Variants in DMD observed in about 807,000 individuals in gnomAD.
DMD encodes the protein mutant dystrophin.
A neutral mutation model predicts 330.1 loss-of-function variants in DMD; 63 were observed. The observed-to-expected ratio is 0.19, with a 90% CI of 0.16 to 0.24. DMD has a LOEUF of 0.24. DMD is among the 10% of genes least tolerant of loss of function. The pLI is 1.00. For synonymous variants in DMD, 1,223 were observed against 959.8 expected (o/e 1.27, Z -5.07); for missense variants, 3,344 against 2,684.1 (o/e 1.25, Z -5.43).
chrX:32,400,567 A>G (rs1228304025), intron 30 of DMD, among the ~76,000 whole-genome samples: 5 of 111,162 alleles, frequency 4.5e-5, no homozygotes, highest in Non-Finnish European at 9.4e-5. Context: ...GCAGCCAAAA[A>G]ACACATGAAA....
intron 60 of DMD, among the ~76,000 whole-genome samples, chrX:31,400,846 G>A (rs1354587754): frequency 1.8e-5 from 2 of 111,877 alleles, no homozygotes; most frequent in African/African-American, 6.5e-5. Context: ...AAACGAGGAT[G>A]CTTAGAGAAG....
At chrX:32,581,525 G>A (rs752961869) in intron 13 of DMD, among the ~76,000 whole-genome samples, 2 of 111,912 alleles carry the variant, frequency 1.8e-5, no homozygotes, top group African/African-American at 3.3e-5. Flanking sequence ...AAATACATCT[G>A]TAATTTTAGA....
intron 43 of DMD, among the ~76,000 whole-genome samples, chrX:32,240,399 C>T (rs1178079835): frequency 9.0e-6 from 1 of 111,275 alleles, no homozygotes; most frequent in African/African-American, 3.3e-5. Context: ...TCCCTTGGAC[C>T]TGCTGCCTTG....
intron 13 of DMD, among the ~76,000 whole-genome samples, chrX:32,593,712 A>C (rs1404820392): frequency 8.9e-6 from 1 of 112,398 alleles, no homozygotes; most frequent in Non-Finnish European, 1.9e-5. Context: ...TTCAAATGGG[A>C]TGTGGAATGC....
intron 44 of DMD, among the ~76,000 whole-genome samples, chrX:32,187,194 A>T (rs1042152025): frequency 1.1e-4 from 12 of 110,806 alleles, no homozygotes; most frequent in African/African-American, 3.6e-4. Context: ...GACAGGGGAT[A>T]TATATGTTTA....
intron 4 of DMD, among the ~76,000 whole-genome samples, chrX:32,823,916 ATC>A (rs1399965831): frequency 1.8e-5 from 2 of 111,351 alleles, no homozygotes; most frequent in Non-Finnish European, 3.8e-5. Flanking sequence ...ATCAAGGCAA[ATC>A]TCTGTGTCTC....
intron 30 of DMD, among the ~76,000 whole-genome samples, chrX:32,401,571 G>T (rs762161642): frequency 9.0e-6 from 1 of 111,542 alleles, no homozygotes; most frequent in Non-Finnish European, 1.9e-5. Context: ...GCTGGGAAGG[G>T]TAGTCAGGGG....
intron 1 of DMD, among the ~76,000 whole-genome samples, chrX:33,287,981 C>T (rs374736489): frequency 9.0e-6 from 1 of 111,709 alleles, no homozygotes; most frequent in Non-Finnish European, 1.9e-5. Context: ...GTCAAAGCCA[C>T]CCCGCAAAAG....
intron 67 of DMD, among the ~76,000 whole-genome samples, chrX:31,195,988 C>A (rs1425907000): frequency 1.8e-4 from 20 of 111,789 alleles, no homozygotes; most frequent in African/African-American, 6.5e-4. Context: ...AAACAGGTTT[C>A]AACTACAACA....
chrX:31,805,506 A>G (rs893570367), intron 50 of DMD, among the ~76,000 whole-genome samples: 1 of 112,228 alleles, frequency 8.9e-6, no homozygotes, highest in Non-Finnish European at 1.9e-5. Flanking sequence ...TATAGTCATG[A>G]GAATTTAGAA....
Position 31,754,151 on chromosome X carries a change from A to G in DMD, c.7542+19809T>C, listed in dbSNP as rs189066123. On this transcript the variant is annotated intron_variant, in intron 51 of 78. Coordinates refer to ENST00000357033, the MANE Select transcript of DMD (RefSeq NM_004006.3). Reference sequence around the variant, plus strand: ...TAAAATAAAATTTTATACTGAATTAATGTTTATTTTTATAAAATAGCAGTG... The same window carrying G: ...TAAAATAAAATTTTATACTGAATTAGTGTTTATTTTTATAAAATAGCAGTG... 2.6e-4 allele frequency among the ~76,000 whole-genome samples: 29 copies of G among 111,846 alleles called. No homozygotes were observed. The East Asian group carries it at 7.0e-3, about 27-fold the overall frequency.
At chrX:33,002,158 G>A (rs962214148) in intron 2 of DMD, among the ~76,000 whole-genome samples, 3 of 110,773 alleles carry the variant, frequency 2.7e-5, no homozygotes, top group Non-Finnish European at 5.7e-5. Flanking sequence ...CTAATCAAGT[G>A]CCTTTTCTAT....
chrX:31,821,801 A>C (rs1237623824), intron 49 of DMD, among the ~76,000 whole-genome samples: 1 of 112,126 alleles, frequency 8.9e-6, no homozygotes, highest in Non-Finnish European at 1.9e-5. Context: ...AAATAACTTG[A>C]TTGATGTCGG....
At chrX:31,678,200 A>C (rs2148725700) in intron 53 of DMD, among the ~76,000 whole-genome samples, 1 of 112,113 alleles carries the variant, frequency 8.9e-6, no homozygotes, top group South Asian at 3.7e-4. Flanking sequence ...AACCTGACTA[A>C]TTTGGAAATG....
chrX:32,458,903 T>C (rs781210553), intron 25 of DMD, among the ~76,000 whole-genome samples: 2 of 111,410 alleles, frequency 1.8e-5, no homozygotes, highest in South Asian at 7.3e-4. Context: ...ATATTAATCA[T>C]TTGCCAGACA....
At chrX:32,876,580 G>A (rs1159210990) in intron 2 of DMD, among the ~76,000 whole-genome samples, 2 of 111,441 alleles carry the variant, frequency 1.8e-5, no homozygotes, top group Non-Finnish European at 3.8e-5. Context: ...CTGATCTTGC[G>A]GTCTCTCGGT....
intron 1 of DMD, among the ~76,000 whole-genome samples, chrX:33,162,545 C>T (rs754571782): frequency 6.6e-4 from 73 of 111,341 alleles, no homozygotes; most frequent in East Asian, 2.8e-3. Context: ...CAAAAAGGGA[C>T]GAATACTTGA....
At chrX:32,741,010 G>T (rs1448083320) in intron 7 of DMD, among the ~76,000 whole-genome samples, 1 of 111,541 alleles carries the variant, frequency 9.0e-6, no homozygotes, top group South Asian at 3.8e-4. Context: ...GATATAGGAA[G>T]GTGTGTGTGT....
intron 61 of DMD, among the ~76,000 whole-genome samples, chrX:31,344,325 A>C (rs193295980): frequency 8.9e-6 from 1 of 111,841 alleles, no homozygotes; most frequent in East Asian, 2.8e-4. Context: ...TAAAAAGGAT[A>C]TTAGCCATAA....
Sources: gnomAD v4.1 joint callset for allele counts (sites outside exome capture counted in the v4.1 genomes callset) on GRCh38, gnomAD v4.1.1 for gene constraint, MANE v1.5 for transcripts, NCBI Gene and HGNC (gene_info 2026-07-23, HGNC 2026-07-21) for gene names.